NFIX: variants seen among roughly 807,000 people sequenced by gnomAD.
NFIX encodes the protein nuclear factor 1 X-type.
In NFIX, 2 loss-of-function variants were observed where a neutral mutation model predicts 53.3. The ratio of observed to expected loss-of-function variants is 0.04; its 90% confidence interval spans 0.02 to 0.12. The LOEUF is 0.12. Ranked by LOEUF, NFIX falls within the 10% of genes least tolerant of loss-of-function variation. The probability of loss-of-function intolerance (pLI) is 1.00; values close to 1 mark genes in which losing one functional copy is unlikely to be tolerated. For synonymous variants in NFIX, 244 were observed against 289.0 expected, an observed-to-expected ratio of 0.84 and a Z score of 1.58; for missense variants, 310 against 674.5, an observed-to-expected ratio of 0.46 and a Z score of 5.99.
chr19:13,010,350 C>A (rs1324373145), intron 1 of NFIX, among the ~76,000 whole-genome samples: 1 of 152,218 alleles, frequency 6.6e-6, no homozygotes, highest in African/African-American at 2.4e-5. Context: ...GACCTAGGCG[C>A]GCTCATGCAC....
rs150956539 is a variant in NFIX, at chr19:13,067,465, T to C, written c.560-5582T>C. The stretch of plus-strand genomic sequence containing the variant: ...TGGCACCTCCGTGTGTGTGCGCGCG[T>C]GTGTGTGTGTGTGTGTGCGTGTGTG... On this transcript the variant is annotated intron_variant, in intron 2 of 10. Coordinates refer to ENST00000592199, the MANE Select transcript of NFIX (RefSeq NM_001365902.3). The surrounding 1 kb of genome is among the most constrained non-coding windows in gnomAD (Gnocchi z 4.2). Among the ~76,000 whole-genome samples the C allele has an allele frequency of 4.0e-3, 423 of 106,028 alleles. 2 individuals carry two copies. The highest frequency in any genetic ancestry group is 0.012 in the East Asian group (47 of 3,958). 69.6% of individuals were successfully genotyped at this position (106,028 alleles called of 152,430 possible). A position where few individuals can be genotyped will look rare whatever the true frequency, so the allele number is the denominator to read the frequency against.
chr19:13,078,772 G>A lies in NFIX; in HGVS notation c.1078+37G>A, dbSNP rs1001354968. 1.9e-6 allele frequency: 3 copies of A among 1,566,770 alleles called. No individual in the cohort carries two copies. The highest frequency in any genetic ancestry group is 2.6e-6 in the Non-Finnish European group (3 of 1,160,906). ...GGGGCCCCGGAGGGGGGCAGTTGGG[G>A]AGGTGGCTGAGTATCTAGGGGCAGC... On this transcript the variant is annotated intron_variant, in intron 7 of 10. Coordinates refer to ENST00000592199, the MANE Select transcript of NFIX (RefSeq NM_001365902.3). The surrounding 1 kb of genome is among the most constrained non-coding windows in gnomAD (Gnocchi z 4.7).
intron 1 of NFIX, chr19:13,024,459 C>A: frequency 6.8e-7 from 1 of 1,462,516 alleles, no homozygotes; most frequent in Non-Finnish European, 9.0e-7. Flanking sequence ...TGATCTGTTT[C>A]CTCACTCGCT....
chr19:12,997,129 C>T (rs936654207), intron 1 of NFIX, among the ~76,000 whole-genome samples: 12 of 152,388 alleles, frequency 7.9e-5, no homozygotes, highest in East Asian at 7.7e-4. Context: ...AGTGTGTCCA[C>T]AGCTTACAGT....
rs888457720 is a variant in NFIX at position 13,088,489 on chromosome 19, G to GT, written c.1402+366dup. ...CATGCCATCTTCATGCCTGATTGCT[G>GT]TTTTTTTTTTTTTGTTTTTTGTTTT... On this transcript the variant is annotated intron_variant, in intron 9 of 10. Coordinates refer to ENST00000592199, the MANE Select transcript of NFIX (RefSeq NM_001365902.3). The surrounding 1 kb of genome is among the most constrained non-coding windows in gnomAD (Gnocchi z 5.9). Among the ~76,000 whole-genome samples the GT allele has an allele frequency of 0.021, 3,088 of 143,838 alleles. 49 individuals carry two copies. The highest frequency in any genetic ancestry group is 0.038 in the African/African-American group (1,482 of 39,168). The allele number at this position is 143,838 out of a possible 152,430, so 94.4% of individuals were successfully genotyped here.
chr19:13,069,542 G>A lies in NFIX; in HGVS notation c.560-3505G>A, dbSNP rs373152639. On this transcript the variant is annotated intron_variant, in intron 2 of 10. Coordinates refer to ENST00000592199, the MANE Select transcript of NFIX (RefSeq NM_001365902.3). The stretch of plus-strand genomic sequence containing the variant: ...TGTGGGCAGGGGCTCACTCATGTAC[G>A]CCTGCCTGGCAGGGACTGCCAGGGC... 5.9e-5 allele frequency among the ~76,000 whole-genome samples: 9 copies of A among 152,260 alleles called. No homozygotes were observed. The East Asian group carries it at 7.8e-4, about 13-fold the overall frequency.
rs769677454 is a variant in NFIX at position 13,090,349 on chromosome 19, C to T, written c.1453C>T (p.Pro485Ser). 2 of 1,613,962 alleles carry T rather than the reference C, an allele frequency of 1.2e-6. No homozygotes were observed. The highest frequency in any genetic ancestry group is 1.1e-5 in the South Asian group (1 of 91,090). Reference protein sequence around the residue: ...SSANRFVSIGPRDGNFLNIPQ... With the variant: ...SSANRFVSIGSRDGNFLNIPQ... ...TGCCAACCGGTTTGTCAGCATCGGA[C>T]CCCGGGACGGCAACTTTCTGAACAT... The change falls in exon 10 of 11, where the codon CCC (proline) becomes TCC (serine). Residue 485 changes from proline (P) to serine (S), a missense_variant. By Grantham distance (74) the Pro-to-Ser change is moderately conservative. This residue lies in a region of NFIX where 44 missense variants were observed against 73.4 expected (regional missense o/e 0.60). Transcript: ENST00000592199. The surrounding 1 kb of genome is among the most constrained non-coding windows in gnomAD (Gnocchi z 6.6).
At chr19:13,024,076 A>C (rs761072931) in intron 1 of NFIX, 1 of 1,198,728 alleles carries the variant, frequency 8.3e-7, no homozygotes, top group South Asian at 1.4e-5. Context: ...TGTAAACAGA[A>C]ATCAATTATT....
At chr19:13,082,469 A>T (rs898815952) in intron 8 of NFIX, 1 of 152,228 alleles carries the variant, frequency 6.6e-6, no homozygotes, top group African/African-American at 2.4e-5. Flanking sequence ...GAAAGCCCCG[A>T]TCCACATAGC....
At chr19:13,007,305 T>G (rs1180636203) in intron 1 of NFIX, among the ~76,000 whole-genome samples, 1 of 152,036 alleles carries the variant, frequency 6.6e-6, no homozygotes, top group East Asian at 1.9e-4. Flanking sequence ...CCTGTGGACA[T>G]CAGGGGCTTT....
chr19:13,062,128 C>G (rs1301872209), intron 2 of NFIX, among the ~76,000 whole-genome samples: 5 of 152,196 alleles, frequency 3.3e-5, no homozygotes, highest in Non-Finnish European at 2.9e-5. Context: ...AGAGAGTGCT[C>G]TGCCTTCCCC....
Position 13,043,403 on chromosome 19 carries a change from A to G in NFIX, c.559+17851A>G, listed in dbSNP as rs2014769666. ...GTCTGGTGGTGAGCAGGTGCTGGCCATGGTATCTTAATGGCAGCAGCCCCC... is the reference window on the plus strand; with the variant it reads ...GTCTGGTGGTGAGCAGGTGCTGGCCGTGGTATCTTAATGGCAGCAGCCCCC... On this transcript the variant is annotated intron_variant, in intron 2 of 10. Coordinates refer to ENST00000592199, the MANE Select transcript of NFIX (RefSeq NM_001365902.3). This position sits in a 1 kb window ranked among gnomAD's most constrained non-coding sequence, Gnocchi z 4.0. 6.6e-6 allele frequency among the ~76,000 whole-genome samples: 1 copy of G among 152,138 alleles called. No individual in the cohort carries two copies. The highest frequency in any genetic ancestry group is 1.5e-5 in the Non-Finnish European group (1 of 68,016).
In NFIX at chr19:13,097,048, T is replaced by C. The variant is rs1171697564; in HGVS notation, c.*2399T>C. The C allele has an allele frequency of 6.6e-6, 1 of 150,590 alleles. No individual in the cohort carries two copies. Among genetic ancestry groups the C allele is most frequent in the African/African-American group, 2.4e-5 (1 of 41,260 alleles). The allele number at this position is 150,590 out of a possible 1,614,324, so 9.3% of individuals were successfully genotyped here. ...AGAGAGTTTTCCTATCTTTGTATGT[T>C]AAGAGATTAAGAAAAAAAAATTCTA... On this transcript the variant is annotated 3_prime_UTR_variant, in exon 11 of 11. Transcript: ENST00000592199.
In NFIX at chr19:13,094,734, C is replaced by A; in HGVS notation, c.*85C>A. 1 of 1,351,380 alleles carries A rather than the reference C, an allele frequency of 7.4e-7. No homozygotes were observed. The highest frequency in any genetic ancestry group is 1.3e-5 in the South Asian group (1 of 79,238). The allele number at this position is 1,351,380 out of a possible 1,614,324, so 83.7% of individuals were successfully genotyped here. ...GAAATTTTGAGAATGGAAAAATCCC[C>A]CAGCCCAGCCCAGCCCCACCGAAAA... On this transcript the variant is annotated 3_prime_UTR_variant, in exon 11 of 11. Coordinates refer to ENST00000592199, the MANE Select transcript of NFIX (RefSeq NM_001365902.3). This position sits in a 1 kb window ranked among gnomAD's most constrained non-coding sequence, Gnocchi z 4.3.
intron 2 of NFIX, among the ~76,000 whole-genome samples, chr19:13,033,424 C>T (rs1448389228): frequency 1.3e-5 from 2 of 152,168 alleles, no homozygotes; most frequent in Non-Finnish European, 2.9e-5. Context: ...TATTTCACCA[C>T]CAGCTGCCAT....
Position 13,045,167 on chromosome 19 carries a change from G to A in NFIX, c.559+19615G>A, listed in dbSNP as rs965443699. ...TGCATAGAATGGAAGAGACCTGGTG[G>A]CACTTGTCATGGTGAGACAGTGGCT... On this transcript the variant is annotated intron_variant, in intron 2 of 10. Coordinates refer to ENST00000592199, the MANE Select transcript of NFIX (RefSeq NM_001365902.3). The surrounding 1 kb of genome is among the most constrained non-coding windows in gnomAD (Gnocchi z 4.4). 4.6e-5 allele frequency among the ~76,000 whole-genome samples: 7 copies of A among 152,162 alleles called. No homozygotes were observed. The highest frequency in any genetic ancestry group is 1.0e-4 in the Non-Finnish European group (7 of 68,032).
In NFIX at chr19:13,081,133, C is replaced by T. The variant is rs551811247; in HGVS notation, c.1079-547C>T. On this transcript the variant is annotated intron_variant, in intron 7 of 10. Transcript: ENST00000592199. The surrounding 1 kb of genome is among the most constrained non-coding windows in gnomAD (Gnocchi z 4.7). Reference sequence around the variant, plus strand: ...AGGACAATATGGCAAAATCTCATCTCTAGAAAAAAAAAAAAGCAAAAATCT... The same window carrying T: ...AGGACAATATGGCAAAATCTCATCTTTAGAAAAAAAAAAAAGCAAAAATCT... 6.7e-6 allele frequency among the ~76,000 whole-genome samples: 1 copy of T among 150,282 alleles called. No homozygotes were observed. Among genetic ancestry groups the T allele is most frequent in the South Asian group, 2.1e-4 (1 of 4,744 alleles).
intron 8 of NFIX, among the ~76,000 whole-genome samples, chr19:13,083,162 C>T (rs2017574756): frequency 6.6e-6 from 1 of 152,190 alleles, no homozygotes. Context: ...AAGCTCTGTC[C>T]ACTTTTAGGG....
At chr19:13,003,586 C>T (rs2011844089) in intron 1 of NFIX, among the ~76,000 whole-genome samples, 1 of 152,196 alleles carries the variant, frequency 6.6e-6, no homozygotes. Flanking sequence ...CCCACACACT[C>T]CCTAACCCAG....
Sources: gnomAD v4.1 joint callset for allele counts (sites outside exome capture counted in the v4.1 genomes callset) on GRCh38, gnomAD v4.1.1 for gene constraint, gnomAD v4.1.1 regional missense constraint, Gnocchi (gnomAD v3.1) non-coding constraint, MANE v1.5 for transcripts, NCBI Gene and HGNC (gene_info 2026-07-23, HGNC 2026-07-21) for gene names.